Variants in TNXB observed in about 807,000 individuals in gnomAD.
TNXB encodes tenascin XB.
Under a neutral mutation model 340.5 loss-of-function variants are expected in TNXB, and 183 were observed. That is an observed-to-expected ratio of 0.54 (90% CI 0.48 to 0.61). The LOEUF is 0.61. Ranked by LOEUF, TNXB falls within the 20% of genes least tolerant of loss-of-function variation. The probability of loss-of-function intolerance (pLI) is 0.00; values close to 1 mark genes in which losing one functional copy is unlikely to be tolerated. For synonymous variants in TNXB, 2,121 were observed against 2,314.5 expected, an observed-to-expected ratio of 0.92 and a Z score of 2.40; for missense variants, 4,613 against 5,446.4, an observed-to-expected ratio of 0.85 and a Z score of 4.82.
In TNXB at chr6:32,056,103, G is replaced by A; in HGVS notation, c.8215C>T (p.Leu2739=). Residue 2739 remains leucine (L), a synonymous_variant, in exon 24 of 44, where the codon CTG becomes TTG. Coordinates refer to ENST00000644971, the MANE Select transcript of TNXB (RefSeq NM_001365276.2). ...GATCCTGTCACTGTCAGCTCCCCCAGGAGCGGCTCCTCAGGGGGCTCCGGG... is the reference window on the plus strand; with the variant it reads ...GATCCTGTCACTGTCAGCTCCCCCAAGAGCGGCTCCTCAGGGGGCTCCGGG... ...EAPEPPEEPL[L]GELTVTGSSP... 2 of 1,612,724 alleles carry A rather than the reference G, an allele frequency of 1.2e-6. No homozygotes were observed. The highest frequency in any genetic ancestry group is 1.6e-4 in the Middle Eastern group (1 of 6,062).
rs779197673 is a variant in TNXB, at chr6:32,047,686, C to T, written c.10324+48G>A. On this transcript the variant is annotated intron_variant, in intron 30 of 43. Transcript: ENST00000644971. This position sits in a 1 kb window ranked among gnomAD's most constrained non-coding sequence, Gnocchi z 6.2. ...GGCTGCAGGGCCAGCTCTGAGGGCT[C>T]GGATGAGAGGCAGCTCTGGAAAAGG... 49 of 1,534,450 alleles carry T rather than the reference C, an allele frequency of 3.2e-5. No individual in the cohort carries two copies. The South Asian group carries it at 4.7e-4, about 15-fold the overall frequency.
chr6:32,043,074 C>T lies in TNXB; in HGVS notation c.11802G>A (p.Glu3934=). Residue 3934 remains glutamate (E), a synonymous_variant, in exon 38 of 44, where the codon GAG becomes GAA. Transcript: ENST00000644971. ...PASITFTTGL[E]APRDLEAKEV... The stretch of plus-strand genomic sequence containing the variant: ...CCTTGGCCTCCAAGTCCCGAGGGGC[C>T]TCTAGCCCTAGGAGGGAAAGCAGGA... The T allele has an allele frequency of 1.5e-5, 3 of 195,578 alleles. No homozygotes were observed. Among genetic ancestry groups the T allele is most frequent in the Non-Finnish European group, 8.9e-6 (1 of 112,710 alleles). 12.1% of individuals were successfully genotyped at this position (195,578 alleles called of 1,614,324 possible).
rs1175159536 is a variant in TNXB at position 32,056,026 on chromosome 6, G to A, written c.8292C>T (p.Asp2764=). The change falls in exon 24 of 44, where the codon GAC becomes GAT. Residue 2764 remains aspartate (D), a synonymous_variant. Transcript: ENST00000644971. ...LSWTIPQGHF[D]SFTVQYKDRD... is the part of the protein sequence containing the mutation. ...TGTCCTTGTACTGCACGGTGAAGGAGTCGAAGTGGCCCTGGGGGATGGTCC... is the reference window on the plus strand; with the variant it reads ...TGTCCTTGTACTGCACGGTGAAGGAATCGAAGTGGCCCTGGGGGATGGTCC... The A allele has an allele frequency of 1.2e-6, 2 of 1,613,170 alleles. No homozygotes were observed. Among genetic ancestry groups the A allele is most frequent in the Non-Finnish European group, 1.7e-6 (2 of 1,179,902 alleles).
chr6:32,074,110 G>A lies in TNXB; in HGVS notation c.4376-158C>T, dbSNP rs879703298. Among the ~76,000 whole-genome samples, 1 of 152,128 alleles carries A rather than the reference G, an allele frequency of 6.6e-6. No homozygotes were observed. Among genetic ancestry groups the A allele is most frequent in the East Asian group, 1.9e-4 (1 of 5,194 alleles). ...CGGCTCACTGCAGCCTCTGCCTCCCGGGTTCAAGCGATCCTCCTGCCTTAG... is the reference window on the plus strand; with the variant it reads ...CGGCTCACTGCAGCCTCTGCCTCCCAGGTTCAAGCGATCCTCCTGCCTTAG... On this transcript the variant is annotated intron_variant, in intron 11 of 43. Transcript: ENST00000644971. This position sits in a 1 kb window ranked among gnomAD's most constrained non-coding sequence, Gnocchi z 5.5.
Position 32,085,909 on chromosome 6 carries a change from C to A in TNXB, c.2989G>T (p.Val997Leu). 6.2e-7 allele frequency: 1 copy of A among 1,608,458 alleles called. No individual in the cohort carries two copies. The highest frequency in any genetic ancestry group is 8.5e-7 in the Non-Finnish European group (1 of 1,178,768). The change falls in exon 7 of 44, where the codon GTG becomes TTG. Residue 997 changes from valine to leucine, a missense_variant. Coordinates refer to ENST00000644971, the MANE Select transcript of TNXB (RefSeq NM_001365276.2). The surrounding 1 kb of genome is among the most constrained non-coding windows in gnomAD (Gnocchi z 6.4). ...TFAYFQLRMR[V>L]PEGPGAHEEV... ...TCATGTGCCCCCGGCCCCTCGGGCA[C>A]CCGCATGCGCAGTTGGAAGTAGGCA...
Position 32,067,761 on chromosome 6 carries a change from G to A in TNXB, c.6444C>T (p.Val2148=). 1 of 1,613,778 alleles carries A rather than the reference G, an allele frequency of 6.2e-7. No homozygotes were observed. The highest frequency in any genetic ancestry group is 8.5e-7 in the Non-Finnish European group (1 of 1,179,894). The change falls in exon 18 of 44, where the codon GTC becomes GTT. Residue 2148 remains valine (V), a synonymous_variant. Coordinates refer to ENST00000644971, the MANE Select transcript of TNXB (RefSeq NM_001365276.2). This position sits in a 1 kb window ranked among gnomAD's most constrained non-coding sequence, Gnocchi z 4.2. ...VVRVGGEESE[V]TVGGLEPGRK... is the part of the protein sequence containing the mutation. ...GCCCAGGCTCCAGGCCCCCCACGGT[G>A]ACTTCACTCTCCTCGCCCCCAACAC...
chr6:32,062,338 C>G lies in TNXB; in HGVS notation c.6987G>C (p.Gln2329His). Residue 2329 changes from glutamine (Q) to histidine (H), a missense_variant, in exon 20 of 44, where the codon CAG becomes CAC. Gln to His is a conservative substitution (Grantham distance 24). Around this residue, in one of 7 missense-constraint regions of TNXB, gnomAD observed 4,327 missense variants for 4,859.4 expected, o/e 0.89. Transcript: ENST00000644971. The surrounding 1 kb of genome is among the most constrained non-coding windows in gnomAD (Gnocchi z 4.3). ...TGTACTGGACCAGGAAGTGGTCAAA[C>G]TGTCCCTCGGGAACCGTCCAGGACA... is the stretch of plus-strand genomic sequence containing the variant. The part of the protein sequence containing the change: ...LSLSWTVPEG[Q>H]FDHFLVQYKN... 1.9e-6 allele frequency: 3 copies of G among 1,613,582 alleles called. No homozygotes were observed. The highest frequency in any genetic ancestry group is 2.5e-6 in the Non-Finnish European group (3 of 1,179,888).
At chr6:32,092,462 T>C (rs1337009027) in intron 4 of TNXB, among the ~76,000 whole-genome samples, 14 of 152,110 alleles carry the variant, frequency 9.2e-5, no homozygotes, top group Non-Finnish European at 2.9e-5. Flanking sequence ...GAGGTAGAGA[T>C]AGGCTTCTAG....
chr6:32,106,106 G>C (rs367718646), intron 1 of TNXB, among the ~76,000 whole-genome samples: 113 of 148,890 alleles, frequency 7.6e-4, no homozygotes, highest in African/African-American at 2.6e-3. Flanking sequence ...TGATACTCTT[G>C]AGGGGGTAGT....
intron 6 of TNXB, 74 bp downstream of exon 6, chr6:32,088,711 G>T: frequency 1.3e-6 from 2 of 1,515,732 alleles, no homozygotes; most frequent in Non-Finnish European, 1.8e-6. Flanking sequence ...TGTGAGCCCT[G>T]AGCCTGGGCT....
rs1164676702 is a variant in TNXB at position 32,061,323 on chromosome 6, G to A, written c.7492+74C>T. 17 of 1,561,348 alleles carry A rather than the reference G, an allele frequency of 1.1e-5. No homozygotes were observed. Among genetic ancestry groups the A allele is most frequent in the Non-Finnish European group, 1.4e-5 (16 of 1,152,534 alleles). ...GACAAGTCTGGACCCACAGGGCTTG[G>A]TGAAAGGGCACAGCAGTAAACCAGG... On this transcript the variant is annotated intron_variant, in intron 21 of 43. Transcript: ENST00000644971. This position sits in a 1 kb window ranked among gnomAD's most constrained non-coding sequence, Gnocchi z 4.4.
At chr6:32,078,212 C>T (rs1246116787) in intron 11 of TNXB, among the ~76,000 whole-genome samples, 2 of 151,836 alleles carry the variant, frequency 1.3e-5, no homozygotes, top group African/African-American at 2.4e-5. Context: ...TTTGGGAGGC[C>T]GAGGCAGGTG....
At chr6:32,044,346 C>T in intron 33 of TNXB, 35 bp downstream of exon 33, 2 of 415,146 alleles carry the variant, frequency 4.8e-6, no homozygotes, top group East Asian at 3.9e-5. Flanking sequence ...GTACAAAGAC[C>T]CCCACTTTGG....
intron 1 of TNXB, among the ~76,000 whole-genome samples, chr6:32,105,278 A>G (rs779086031): frequency 6.6e-6 from 1 of 152,154 alleles, no homozygotes; most frequent in East Asian, 1.9e-4. Context: ...TTCACAGGGA[A>G]GTTTTCCTGA....
chr6:32,056,926 G>T lies in TNXB; in HGVS notation c.7826-23C>A, dbSNP rs748817228. 14 of 1,605,970 alleles carry T rather than the reference G, an allele frequency of 8.7e-6. No homozygotes were observed. The Admixed American group carries it at 2.3e-4, about 27-fold the overall frequency. ...CCTCTGGAGTTGGACAGACACGTGT[G>T]GGGACAGTGAGGTCCCTGGCTCCTC... is the stretch of plus-strand genomic sequence containing the variant. On this transcript the variant is annotated intron_variant, in intron 22 of 43. Coordinates refer to ENST00000644971, the MANE Select transcript of TNXB (RefSeq NM_001365276.2).
At chr6:32,086,596 G>C (rs1042291653) in intron 6 of TNXB, among the ~76,000 whole-genome samples, 1 of 152,160 alleles carries the variant, frequency 6.6e-6, no homozygotes, top group African/African-American at 2.4e-5. Context: ...TGGGCCCTAT[G>C]GGGGAAGAAG....
rs562458744 is a variant in TNXB, at chr6:32,049,838, G to T, written c.9439+160C>A. On this transcript the variant is annotated intron_variant, in intron 27 of 43. Transcript: ENST00000644971. The surrounding 1 kb of genome is among the most constrained non-coding windows in gnomAD (Gnocchi z 4.5). ...CCCTCCCTGCTCAGGGGGAGCCAGG[G>T]GTCAACCACATAGGAAGGCCCAAGG... 6.6e-6 allele frequency among the ~76,000 whole-genome samples: 1 copy of T among 152,228 alleles called. No individual in the cohort carries two copies. The highest frequency in any genetic ancestry group is 1.9e-4 in the East Asian group (1 of 5,170).
chr6:32,087,498 C>T lies in TNXB; in HGVS notation c.2779+1287G>A, dbSNP rs769374452. 7 of 488,526 alleles carry T rather than the reference C, an allele frequency of 1.4e-5. No individual in the cohort carries two copies. The highest frequency in any genetic ancestry group is 4.2e-5 in the Admixed American group (2 of 47,322). The allele number at this position is 488,526 out of a possible 1,614,324, so 30.3% of individuals were successfully genotyped here. A position where few individuals can be genotyped will look rare whatever the true frequency, so the allele number is the denominator to read the frequency against. Reference sequence around the variant, plus strand: ...GCGCGCCATCGGCGGAACTGCCCAGCACCTCTGGCTTGGGGTGGCGGGACG... The same window carrying T: ...GCGCGCCATCGGCGGAACTGCCCAGTACCTCTGGCTTGGGGTGGCGGGACG... On this transcript the variant is annotated intron_variant, in intron 6 of 43. Transcript: ENST00000644971. The surrounding 1 kb of genome is among the most constrained non-coding windows in gnomAD (Gnocchi z 9.0).
At position 32,087,674 on chromosome 6, in the gene TNXB, G is replaced by T; in HGVS notation, c.2779+1111C>A. 2.2e-6 allele frequency: 1 copy of T among 446,852 alleles called. No homozygotes were observed. The highest frequency in any genetic ancestry group is 1.6e-5 in the South Asian group (1 of 63,606). The allele number at this position is 446,852 out of a possible 1,614,324, so 27.7% of individuals were successfully genotyped here. A position where few individuals can be genotyped will look rare whatever the true frequency, so the allele number is the denominator to read the frequency against. The stretch of plus-strand genomic sequence containing the variant: ...GCTGGGGCGGCGGCCAACAGACGCC[G>T]CTGCAAGTATTCATGGATGTGGCGC... On this transcript the variant is annotated intron_variant, in intron 6 of 43. Coordinates refer to ENST00000644971, the MANE Select transcript of TNXB (RefSeq NM_001365276.2). The surrounding 1 kb of genome is among the most constrained non-coding windows in gnomAD (Gnocchi z 9.0).
Sources: allele counts gnomAD v4.1 joint callset (sites outside exome capture counted in the v4.1 genomes callset), GRCh38; gene constraint gnomAD v4.1.1; regional missense constraint gnomAD v4.1.1; non-coding constraint Gnocchi (gnomAD v3.1); transcripts MANE v1.5; gene names NCBI Gene and HGNC (gene_info 2026-07-23, HGNC 2026-07-21).